Variants in KIRREL3 observed in about 807,000 individuals in gnomAD.
KIRREL3 encodes kin of IRRE-like protein 3.
KIRREL3 carries 36 observed loss-of-function variants against 89.7 expected under a neutral mutation model. The ratio of observed to expected loss-of-function variants is 0.40; its 90% CI spans 0.31 to 0.53. KIRREL3 has a LOEUF of 0.53. Ranked by LOEUF, KIRREL3 falls within the 20% of genes least tolerant of loss-of-function variation. KIRREL3 has a pLI of 0.49. For synonymous variants in KIRREL3, 445 were observed against 441.4 expected (o/e 1.01, Z -0.10); for missense variants, 864 against 1,056.6 (o/e 0.82, Z 2.53).
At position 126,495,616 on chromosome 11, in the gene KIRREL3, G is replaced by T. The variant is rs768763200; in HGVS notation, c.434-22150C>A. ...GCAGCAGATGCCTCAGGAAGGAAGC[G>T]ACCCTGTTGTGTCCTCCCTGCTGTG... On this transcript the variant is annotated intron_variant, in intron 4 of 16. Coordinates refer to ENST00000525144, the MANE Select transcript of KIRREL3 (RefSeq NM_032531.4). This position sits in a 1 kb window ranked among gnomAD's most constrained non-coding sequence, Gnocchi z 6.5. Among the ~76,000 whole-genome samples the T allele has an allele frequency of 1.1e-4, 17 of 152,160 alleles. No individual in the cohort carries two copies. The highest frequency in any genetic ancestry group is 2.1e-4 in the Non-Finnish European group (14 of 68,040).
chr11:126,615,848 G>A lies in KIRREL3; in HGVS notation c.56-52936C>T, dbSNP rs540946452. ...GTCTTTTCCAGGTAATAAGTATTGCGGCCTCCTCTGCCACTTGCCTGCATT... is the reference window on the plus strand; with the variant it reads ...GTCTTTTCCAGGTAATAAGTATTGCAGCCTCCTCTGCCACTTGCCTGCATT... On this transcript the variant is annotated intron_variant, in intron 1 of 16. Transcript: ENST00000525144. This position sits in a 1 kb window ranked among gnomAD's most constrained non-coding sequence, Gnocchi z 5.4. Among the ~76,000 whole-genome samples the A allele has an allele frequency of 6.6e-5, 10 of 152,252 alleles. No homozygotes were observed. The highest frequency in any genetic ancestry group is 5.8e-4 in the East Asian group (3 of 5,182).
In KIRREL3 at chr11:126,884,868, ATGGTTGCTTG is replaced by A. The variant is rs201990667; in HGVS notation, c.55+115577_55+115586del. ...TGAGTAGATATCAGAAATGCAACCA[ATGGTTGCTTG>A]GCAATGGAATGGCTTCCAATTAGAC... On this transcript the variant is annotated intron_variant, in intron 1 of 16. Coordinates refer to ENST00000525144, the MANE Select transcript of KIRREL3 (RefSeq NM_032531.4). Among the ~76,000 whole-genome samples the A allele has an allele frequency of 7.2e-4, 110 of 152,266 alleles. 3 individuals carry two copies. The East Asian group carries it at 0.02, about 28-fold the overall frequency.
At position 126,867,752 on chromosome 11, in the gene KIRREL3, C is replaced by T. The variant is rs1944971458; in HGVS notation, c.55+132703G>A. On this transcript the variant is annotated intron_variant, in intron 1 of 16. Transcript: ENST00000525144. This position sits in a 1 kb window ranked among gnomAD's most constrained non-coding sequence, Gnocchi z 4.7. ...AAGTTGGCCAGAATCTGAACCCAGA[C>T]TTTCTGCCTTTTTTATGAGCCTTTA... Among the ~76,000 whole-genome samples the T allele has an allele frequency of 6.6e-6, 1 of 152,152 alleles. No homozygotes were observed. Among genetic ancestry groups the T allele is most frequent in the Non-Finnish European group, 1.5e-5 (1 of 68,030 alleles).
At position 126,773,363 on chromosome 11, in the gene KIRREL3, C is replaced by T. The variant is rs914298225; in HGVS notation, c.56-210451G>A. 4.6e-5 allele frequency among the ~76,000 whole-genome samples: 7 copies of T among 152,180 alleles called. No individual in the cohort carries two copies. Among genetic ancestry groups the T allele is most frequent in the African/African-American group, 7.2e-5 (3 of 41,446 alleles). ...CTGGCCTCACCCGAGCAAGAAGGAA[C>T]TCTCCAGCAGACGACCTCTTGACTT... On this transcript the variant is annotated intron_variant, in intron 1 of 16. Transcript: ENST00000525144. The surrounding 1 kb of genome is among the most constrained non-coding windows in gnomAD (Gnocchi z 4.2).
chr11:126,965,617 A>T lies in KIRREL3; in HGVS notation c.55+34838T>A, dbSNP rs192751738. Among the ~76,000 whole-genome samples the T allele has an allele frequency of 2.0e-5, 3 of 152,320 alleles. No individual in the cohort carries two copies. Among genetic ancestry groups the T allele is most frequent in the Admixed American group, 1.3e-4 (2 of 15,306 alleles). ...ATTGTCTCAAAACTGAGCTTTAAAT[A>T]TTATAAAATTTTGGTTCTTTGCTGA... On this transcript the variant is annotated intron_variant, in intron 1 of 16. Transcript: ENST00000525144. This position sits in a 1 kb window ranked among gnomAD's most constrained non-coding sequence, Gnocchi z 4.4.
At chr11:126,671,912 T>C (rs902174552) in intron 1 of KIRREL3, among the ~76,000 whole-genome samples, 1 of 152,216 alleles carries the variant, frequency 6.6e-6, no homozygotes, top group Non-Finnish European at 1.5e-5. Flanking sequence ...ATCAAGTAAC[T>C]GCAGTCCTAG....
Position 126,906,835 on chromosome 11 carries a change from C to A in KIRREL3, c.55+93620G>T, listed in dbSNP as rs1402204079. On this transcript the variant is annotated intron_variant, in intron 1 of 16. Transcript: ENST00000525144. The surrounding 1 kb of genome is among the most constrained non-coding windows in gnomAD (Gnocchi z 4.1). Reference sequence around the variant, plus strand: ...TCTGCCTCCTGAAAGGATGGCTTTGCCTTTCTGAGGTCCATGAAGGGAAGT... The same window carrying A: ...TCTGCCTCCTGAAAGGATGGCTTTGACTTTCTGAGGTCCATGAAGGGAAGT... Among the ~76,000 whole-genome samples the A allele has an allele frequency of 1.3e-5, 2 of 152,182 alleles. No individual in the cohort carries two copies. The highest frequency in any genetic ancestry group is 2.9e-5 in the Non-Finnish European group (2 of 68,030).
chr11:126,667,913 C>T (rs755893474), intron 1 of KIRREL3, among the ~76,000 whole-genome samples: 2 of 152,102 alleles, frequency 1.3e-5, no homozygotes, highest in African/African-American at 4.8e-5. Flanking sequence ...CAGTTAAAAT[C>T]CTGGAGCTCT....
chr11:126,699,841 A>C (rs1010635228), intron 1 of KIRREL3, among the ~76,000 whole-genome samples: 1 of 152,238 alleles, frequency 6.6e-6, no homozygotes, highest in Non-Finnish European at 1.5e-5. Flanking sequence ...TTTCACATAC[A>C]TTATCTCTGA....
At chr11:126,572,578 CCCCCG>C (rs200825637) in intron 1 of KIRREL3, among the ~76,000 whole-genome samples, 12 of 140,954 alleles carry the variant, frequency 8.5e-5, no homozygotes, top group East Asian at 7.0e-4. Flanking sequence ...GGGGACCCCC[CCCCCG>C]CCAAGCAGGT....
Position 126,614,374 on chromosome 11 carries a change from AT to A in KIRREL3, c.56-51463del, listed in dbSNP as rs1943259866. Among the ~76,000 whole-genome samples, 1 of 152,156 alleles carries A rather than the reference AT, an allele frequency of 6.6e-6. No individual in the cohort carries two copies. The highest frequency in any genetic ancestry group is 6.5e-5 in the Admixed American group (1 of 15,270). On this transcript the variant is annotated intron_variant, in intron 1 of 16. Coordinates refer to ENST00000525144, the MANE Select transcript of KIRREL3 (RefSeq NM_032531.4). The surrounding 1 kb of genome is among the most constrained non-coding windows in gnomAD (Gnocchi z 4.6). ...TTGTGACCTTGGACAACTCACTTCC[AT>A]TCTTTGCGCTGTTTTCTCAAGTGCA...
rs1275811755 is a variant in KIRREL3 at position 126,574,178 on chromosome 11, A to G, written c.56-11266T>C. On this transcript the variant is annotated intron_variant, in intron 1 of 16. Transcript: ENST00000525144. This position sits in a 1 kb window ranked among gnomAD's most constrained non-coding sequence, Gnocchi z 5.3. ...AGAAGTAAATACATGTTCTTCTTTA[A>G]CCCTAAACATTTATGGAGGACACTG... Among the ~76,000 whole-genome samples the G allele has an allele frequency of 6.6e-6, 1 of 152,138 alleles. No individual in the cohort carries two copies. Among genetic ancestry groups the G allele is most frequent in the Non-Finnish European group, 1.5e-5 (1 of 68,034 alleles).
chr11:126,548,039 C>T (rs897399006), intron 2 of KIRREL3, among the ~76,000 whole-genome samples: 1 of 152,228 alleles, frequency 6.6e-6, no homozygotes, highest in South Asian at 2.1e-4. Flanking sequence ...TGCAAAAGTA[C>T]CCTCCTTGGC....
At chr11:126,695,278 T>C (rs1388143538) in intron 1 of KIRREL3, among the ~76,000 whole-genome samples, 2 of 152,146 alleles carry the variant, frequency 1.3e-5, no homozygotes, top group Non-Finnish European at 2.9e-5. Flanking sequence ...CAGCAACTTG[T>C]CCAAGATCAC....
At chr11:126,884,212 G>C (rs923598527) in intron 1 of KIRREL3, among the ~76,000 whole-genome samples, 4 of 152,206 alleles carry the variant, frequency 2.6e-5, no homozygotes, top group African/African-American at 9.6e-5. Flanking sequence ...ATTCTGTTCA[G>C]TAACATGGAG....
In KIRREL3 at chr11:126,931,875, G is replaced by C. The variant is rs1947963678; in HGVS notation, c.55+68580C>G. Among the ~76,000 whole-genome samples the C allele has an allele frequency of 6.6e-6, 1 of 152,200 alleles. No individual in the cohort carries two copies. Among genetic ancestry groups the C allele is most frequent in the Non-Finnish European group, 1.5e-5 (1 of 68,030 alleles). On this transcript the variant is annotated intron_variant, in intron 1 of 16. Coordinates refer to ENST00000525144, the MANE Select transcript of KIRREL3 (RefSeq NM_032531.4). The surrounding 1 kb of genome is among the most constrained non-coding windows in gnomAD (Gnocchi z 5.1). The stretch of plus-strand genomic sequence containing the variant: ...GTGTTGCCTTCTCACCCCAATAGGA[G>C]TAGATGGACGAGGCATACTCGTACC...
chr11:126,595,935 C>A (rs1335678789), intron 1 of KIRREL3, among the ~76,000 whole-genome samples: 3 of 152,188 alleles, frequency 2.0e-5, no homozygotes, highest in Non-Finnish European at 4.4e-5. Context: ...TTGTAATAAA[C>A]AATGATTAAG....
intron 2 of KIRREL3, among the ~76,000 whole-genome samples, chr11:126,546,138 C>T (rs1938797488): frequency 6.6e-6 from 1 of 152,200 alleles, no homozygotes; most frequent in African/African-American, 2.4e-5. Context: ...GTGATTGGCA[C>T]ATAGTAGATG....
chr11:126,458,662 A>G (rs1190586730), intron 6 of KIRREL3, among the ~76,000 whole-genome samples: 1 of 152,194 alleles, frequency 6.6e-6, no homozygotes, highest in African/African-American at 2.4e-5. Context: ...CTGTTCTCCC[A>G]CATTTTCCCT....
Sources: gnomAD v4.1 joint callset for allele counts (sites outside exome capture counted in the v4.1 genomes callset) on GRCh38, gnomAD v4.1.1 for gene constraint, Gnocchi (gnomAD v3.1) non-coding constraint, MANE v1.5 for transcripts, NCBI Gene and HGNC (gene_info 2026-07-23, HGNC 2026-07-21) for gene names.